Variants in PCDHA1 observed in about 807,000 individuals in gnomAD.
The protein encoded by PCDHA1 is protocadherin alpha-1.
In PCDHA1, 42 loss-of-function variants were observed where a neutral mutation model predicts 61.3. The ratio of observed to expected loss-of-function variants is 0.69; its 90% CI spans 0.54 to 0.89. The LOEUF (loss-of-function observed/expected upper bound fraction) is 0.89, where lower values mean the gene tolerates loss of function less well. Ranked by LOEUF, PCDHA1 falls within the 40% of genes least tolerant of loss-of-function variation. The probability of loss-of-function intolerance (pLI) is 0.00; values close to 1 mark genes in which losing one functional copy is unlikely to be tolerated. For synonymous variants in PCDHA1, 610 were observed against 553.8 expected, an observed-to-expected ratio of 1.10 and a Z score of -1.43; for missense variants, 1,256 against 1,235.3, an observed-to-expected ratio of 1.02 and a Z score of -0.25.
At chr5:140,972,500 T>C (rs1554234162) in intron 1 of PCDHA1, among the ~76,000 whole-genome samples, 1 of 152,108 alleles carries the variant, frequency 6.6e-6, no homozygotes, top group Non-Finnish European at 1.5e-5. Flanking sequence ...AATCTGTTGG[T>C]AGATTTTACC....
intron 1 of PCDHA1, chr5:140,856,666 G>C: frequency 1.3e-6 from 2 of 1,598,010 alleles, no homozygotes; most frequent in South Asian, 2.2e-5. Flanking sequence ...AAAATCCTCA[G>C]CTAAAGTTGT....
intron 3 of PCDHA1, 149 bp downstream of exon 3, chr5:140,982,712 T>C: frequency 7.3e-7 from 1 of 1,373,964 alleles, no homozygotes; most frequent in Non-Finnish European, 9.6e-7. Context: ...TCCTTACATA[T>C]ATGATTATTT....
At chr5:140,877,347 G>A (rs2057054618) in intron 1 of PCDHA1, 3 of 1,614,010 alleles carry the variant, frequency 1.9e-6, no homozygotes, top group Admixed American at 1.7e-5. Flanking sequence ...TCCACGTGGG[G>A]CTGTACACTG....
In PCDHA1 at chr5:140,787,910, G is replaced by C. The variant is rs1562134987; in HGVS notation, c.1620G>C (p.Ala540=). The part of the protein sequence containing the change: ...LLQFQVSARD[A]GVPPLGSNVT... ...AGTTCCAGGTGAGCGCGCGGGATGCGGGCGTGCCGCCTCTGGGCAGCAACG... is the reference window on the plus strand; with the variant it reads ...AGTTCCAGGTGAGCGCGCGGGATGCCGGCGTGCCGCCTCTGGGCAGCAACG... Residue 540 remains alanine (A), a synonymous_variant, in exon 1 of 4, where the codon GCG becomes GCC. Transcript: ENST00000504120. 6 of 1,613,678 alleles carry C rather than the reference G, an allele frequency of 3.7e-6. No individual in the cohort carries two copies. The highest frequency in any genetic ancestry group is 1.7e-5 in the Admixed American group (1 of 59,998).
chr5:140,790,554 G>GA (rs1363903500), intron 1 of PCDHA1, among the ~76,000 whole-genome samples: 3 of 152,104 alleles, frequency 2.0e-5, no homozygotes, highest in Non-Finnish European at 4.4e-5. Flanking sequence ...GCAAGAATCA[G>GA]AAAAAAATAA....
chr5:141,002,273 AC>A (rs748746747), intron 3 of PCDHA1, among the ~76,000 whole-genome samples: 69 of 152,308 alleles, frequency 4.5e-4, no homozygotes, highest in Non-Finnish European at 9.1e-4. Flanking sequence ...AGAGCTGGTA[AC>A]AAAGGGATGA....
chr5:140,931,209 A>C (rs1554208285), intron 1 of PCDHA1, among the ~76,000 whole-genome samples: 1 of 152,184 alleles, frequency 6.6e-6, no homozygotes, highest in African/African-American at 2.4e-5. Context: ...CTAGTATTTC[A>C]GGTATCAGAG....
In PCDHA1 at chr5:140,797,246, G is replaced by C. The variant is rs1554120360; in HGVS notation, c.2394+8562G>C. ...CAGAGGCGGCAGAGGGTGTGCTCTG[G>C]GGAGGACCCCCCCAAGACGGACCTC... On this transcript the variant is annotated intron_variant, in intron 1 of 3. Coordinates refer to ENST00000504120, the MANE Select transcript of PCDHA1 (RefSeq NM_018900.4). The C allele has an allele frequency of 1.9e-6, 3 of 1,614,186 alleles. No homozygotes were observed. In the South Asian group the frequency reaches 3.3e-5, roughly 18 times the overall value.
At chr5:140,850,883 T>G in intron 1 of PCDHA1, 1 of 1,582,476 alleles carries the variant, frequency 6.3e-7, no homozygotes, top group Non-Finnish European at 8.6e-7. Context: ...CAGATTCAAC[T>G]GGGAAGGTGG....
chr5:140,807,003 A>G, intron 1 of PCDHA1: 1 of 732,430 alleles, frequency 1.4e-6, no homozygotes, highest in East Asian at 2.7e-5. Flanking sequence ...GTCGCTCTTT[A>G]CCACAAAATA....
Position 140,883,198 on chromosome 5 carries a change from C to G in PCDHA1, c.2394+94514C>G, listed in dbSNP as rs145698462. 1.9e-6 allele frequency: 3 copies of G among 1,613,572 alleles called. No individual in the cohort carries two copies. Among genetic ancestry groups the G allele is most frequent in the Admixed American group, 1.7e-5 (1 of 59,932 alleles). On this transcript the variant is annotated intron_variant, in intron 1 of 3. Transcript: ENST00000504120. ...TTAGGACAAAAGGCAAACTAGATTT[C>G]GAAGAAAAGAAATTATATGAAATAT...
chr5:140,822,575 A>G (rs2150117387), intron 1 of PCDHA1: 13 of 1,610,462 alleles, frequency 8.1e-6, no homozygotes, highest in Non-Finnish European at 1.1e-5. Context: ...AACGCCTCAG[A>G]TGCAGATGAG....
At chr5:140,934,899 T>G (rs1320708660) in intron 1 of PCDHA1, among the ~76,000 whole-genome samples, 2 of 152,184 alleles carry the variant, frequency 1.3e-5, no homozygotes, top group Non-Finnish European at 2.9e-5. Flanking sequence ...AACCTTTTAT[T>G]TTGGAATAAT....
chr5:140,921,511 C>T (rs1163280621), intron 1 of PCDHA1, among the ~76,000 whole-genome samples: 1 of 152,062 alleles, frequency 6.6e-6, no homozygotes, highest in Non-Finnish European at 1.5e-5. Context: ...TAGTGCCTAA[C>T]CTGAAATAAA....
chr5:140,842,257 A>C, intron 1 of PCDHA1: 1 of 1,611,472 alleles, frequency 6.2e-7, no homozygotes, highest in African/African-American at 1.3e-5. Flanking sequence ...ATTTTGAACA[A>C]GAAAACTTAT....
At chr5:140,967,174 G>A (rs1554229282) in intron 1 of PCDHA1, 1 of 1,611,892 alleles carries the variant, frequency 6.2e-7, no homozygotes, top group Non-Finnish European at 8.5e-7. Flanking sequence ...CCGTTGAGGT[G>A]GAAATATTGG....
At chr5:140,957,070 C>T (rs1260856872) in intron 1 of PCDHA1, among the ~76,000 whole-genome samples, 2 of 151,958 alleles carry the variant, frequency 1.3e-5, no homozygotes, top group Non-Finnish European at 2.9e-5. Context: ...TGACTGAGGG[C>T]TTTTTATTAA....
At chr5:140,947,027 A>G (rs554018076) in intron 1 of PCDHA1, among the ~76,000 whole-genome samples, 2 of 151,820 alleles carry the variant, frequency 1.3e-5, no homozygotes, top group African/African-American at 2.4e-5. Context: ...GAGGTAATGG[A>G]TATACTAATT....
intron 1 of PCDHA1, among the ~76,000 whole-genome samples, chr5:140,895,090 T>A (rs2064836305): frequency 6.6e-6 from 1 of 152,190 alleles, no homozygotes; most frequent in Non-Finnish European, 1.5e-5. Flanking sequence ...CTCCTCAGTA[T>A]AGGGGTTTTT....
Sources: allele counts gnomAD v4.1 joint callset (sites outside exome capture counted in the v4.1 genomes callset), GRCh38; gene constraint gnomAD v4.1.1; transcripts MANE v1.5; gene names NCBI Gene and HGNC (gene_info 2026-07-23, HGNC 2026-07-21).